GRIN2A: variants seen among roughly 807,000 people sequenced by gnomAD.
The protein encoded by GRIN2A is glutamate ionotropic receptor NMDA type subunit 2A.
In GRIN2A, 22 loss-of-function variants were observed where a neutral mutation model predicts 113.4. The ratio of observed to expected loss-of-function variants is 0.19; its 90% CI spans 0.14 to 0.28. The LOEUF (loss-of-function observed/expected upper bound fraction) is 0.28. Among genes scored for constraint, GRIN2A ranks in the 10% least tolerant of loss-of-function variants. The pLI is 1.00. For synonymous variants in GRIN2A, 827 were observed against 738.4 expected (o/e 1.12, Z -1.94); for missense variants, 1,502 against 1,887.0 (o/e 0.80, Z 3.78).
intron 10 of GRIN2A, among the ~76,000 whole-genome samples, chr16:9,806,503 A>G (rs2041970408): frequency 6.6e-6 from 1 of 152,202 alleles, no homozygotes; most frequent in Admixed American, 6.5e-5. Context: ...TTAGCTGATA[A>G]TAAATCCTGA....
At chr16:9,872,994 A>G (rs569914230) in intron 4 of GRIN2A, among the ~76,000 whole-genome samples, 1 of 152,328 alleles carries the variant, frequency 6.6e-6, no homozygotes, top group Admixed American at 6.5e-5. Flanking sequence ...GCAATGAGCC[A>G]TGATTGCACC....
chr16:9,818,912 A>G (rs183325890), intron 10 of GRIN2A, among the ~76,000 whole-genome samples: 28 of 152,348 alleles, frequency 1.8e-4, no homozygotes, highest in African/African-American at 2.6e-4. Context: ...CAATACAAAG[A>G]TATTCACTAC....
rs149804271 is a variant in GRIN2A, at chr16:9,937,678, C to A, written c.1007+281G>T. ...AAATATAGATACACTTGAGATACAG[C>A]CATAGACAGACAGACAGATCGATCA... On this transcript the variant is annotated intron_variant, in intron 3 of 12. Transcript: ENST00000330684. 5.8e-5 allele frequency: 27 copies of A among 467,750 alleles called. 1 individual carries two copies. In the East Asian group the frequency reaches 1.0e-3, roughly 18 times the overall value. The allele number at this position is 467,750 out of a possible 1,614,324, so 29.0% of individuals were successfully genotyped here.
In GRIN2A at chr16:10,048,992, C is replaced by T. The variant is rs111815139; in HGVS notation, c.415-110441G>A. On this transcript the variant is annotated intron_variant, in intron 2 of 12. Coordinates refer to ENST00000330684, the MANE Select transcript of GRIN2A (RefSeq NM_001134407.3). ...TGCCCATTCATGCATCAGAAACTTG[C>T]TGTCTCTATTCTAAGCTATTTACCT... Among the ~76,000 whole-genome samples the T allele has an allele frequency of 7.0e-3, 1,071 of 152,294 alleles. 5 individuals are homozygous for T. The highest frequency in any genetic ancestry group is 0.025 in the African/African-American group (1,035 of 41,552).
chr16:10,025,364 G>C (rs2046801490), intron 2 of GRIN2A, among the ~76,000 whole-genome samples: 1 of 123,238 alleles, frequency 8.1e-6, no homozygotes. Flanking sequence ...GTGCAGTGGT[G>C]TAATTACAAC....
intron 10 of GRIN2A, among the ~76,000 whole-genome samples, chr16:9,819,390 G>C (rs1199080080): frequency 6.6e-6 from 1 of 151,778 alleles, no homozygotes; most frequent in Non-Finnish European, 1.5e-5. Flanking sequence ...GTGTGGTGGT[G>C]CTTGCCTGTA....
chr16:10,092,260 A>G (rs566913658), intron 2 of GRIN2A, among the ~76,000 whole-genome samples: 1 of 152,356 alleles, frequency 6.6e-6, no homozygotes, highest in Non-Finnish European at 1.5e-5. Flanking sequence ...TTACATGCAC[A>G]TACTTTTCAT....
chr16:10,012,839 G>A (rs949802300), intron 2 of GRIN2A, among the ~76,000 whole-genome samples: 1 of 152,188 alleles, frequency 6.6e-6, no homozygotes, highest in Non-Finnish European at 1.5e-5. Context: ...AGCTCCATGA[G>A]ACCCATTTCA....
chr16:10,074,573 C>A (rs188813960), intron 2 of GRIN2A, among the ~76,000 whole-genome samples: 1 of 152,292 alleles, frequency 6.6e-6, no homozygotes, highest in East Asian at 1.9e-4. Context: ...AGTACTGATA[C>A]CTTCTACAAC....
intron 4 of GRIN2A, among the ~76,000 whole-genome samples, chr16:9,854,420 G>C (rs1012618799): frequency 4.6e-5 from 7 of 152,104 alleles, no homozygotes; most frequent in Non-Finnish European, 7.4e-5. Flanking sequence ...TATTCAGGGA[G>C]AAAGAAAGAA....
intron 2 of GRIN2A, among the ~76,000 whole-genome samples, chr16:10,111,043 A>C (rs1168882876): frequency 4.6e-5 from 7 of 152,266 alleles, no homozygotes; most frequent in Admixed American, 3.9e-4. Context: ...AAGTGGAGCT[A>C]AGAATACTCT....
At position 9,753,601 on chromosome 16, in the gene GRIN2A, C is replaced by T. The variant is rs1490097905; in HGVS notation, c.*9548G>A. The T allele has an allele frequency of 5.1e-6, 1 of 196,142 alleles. No individual in the cohort carries two copies. Among genetic ancestry groups the T allele is most frequent in the Non-Finnish European group, 1.1e-5 (1 of 94,404 alleles). 12.2% of individuals were successfully genotyped at this position (196,142 alleles called of 1,614,324 possible). ...TTGAACAAAATTAAAAGACATACTA[C>T]AAGAAGACAACCATAGTATATACTT... On this transcript the variant is annotated 3_prime_UTR_variant, in exon 13 of 13. Transcript: ENST00000330684.
At chr16:10,157,365 C>T (rs1184136886) in intron 2 of GRIN2A, among the ~76,000 whole-genome samples, 1 of 152,184 alleles carries the variant, frequency 6.6e-6, no homozygotes, top group East Asian at 1.9e-4. Flanking sequence ...GAAGTCTCAT[C>T]TTGGTGCTAA....
intron 2 of GRIN2A, among the ~76,000 whole-genome samples, chr16:10,178,172 G>T (rs1415195268): frequency 6.6e-6 from 1 of 152,184 alleles, no homozygotes; most frequent in East Asian, 1.9e-4. Context: ...GGCGTGGCTG[G>T]AAACTGGCTG....
intron 3 of GRIN2A, among the ~76,000 whole-genome samples, chr16:9,903,506 T>A (rs1346606054): frequency 6.6e-6 from 1 of 152,224 alleles, no homozygotes; most frequent in Non-Finnish European, 1.5e-5. Context: ...ACCTTTTCCC[T>A]ACTTGACACC....
At chr16:9,824,686 G>A (rs2042353718) in intron 9 of GRIN2A, among the ~76,000 whole-genome samples, 3 of 152,240 alleles carry the variant, frequency 2.0e-5, no homozygotes, top group Admixed American at 1.3e-4. Flanking sequence ...TTTAAAGCAT[G>A]ACTCACAATA....
At chr16:10,067,206 C>T (rs966735282) in intron 2 of GRIN2A, among the ~76,000 whole-genome samples, 4 of 152,038 alleles carry the variant, frequency 2.6e-5, no homozygotes, top group Non-Finnish European at 4.4e-5. Context: ...TTTCTGAAGC[C>T]GTTTTTTCCC....
intron 2 of GRIN2A, among the ~76,000 whole-genome samples, chr16:10,161,087 C>T (rs764338261): frequency 5.6e-4 from 86 of 152,320 alleles, no homozygotes; most frequent in South Asian, 1.4e-3. Flanking sequence ...ATTGTAGTTC[C>T]CATCATCCTC....
At chr16:9,810,353 A>T (rs890158535) in intron 10 of GRIN2A, among the ~76,000 whole-genome samples, 1 of 152,200 alleles carries the variant, frequency 6.6e-6, no homozygotes, top group Non-Finnish European at 1.5e-5. Context: ...TCGGATACCT[A>T]TCAGGAGGTG....
Sources: gnomAD v4.1 joint callset for allele counts (sites outside exome capture counted in the v4.1 genomes callset) on GRCh38, gnomAD v4.1.1 for gene constraint, MANE v1.5 for transcripts, NCBI Gene and HGNC (gene_info 2026-07-23, HGNC 2026-07-21) for gene names.